The following SLC8A1 variants were observed in gnomAD, a reference collection of about 807,000 sequenced individuals.
The protein encoded by SLC8A1 is solute carrier family 8 member A1, also known as sodium/calcium exchanger 1.
In SLC8A1, 18 loss-of-function variants were observed where a neutral mutation model predicts 68.3. The ratio of observed to expected loss-of-function variants is 0.26; its 90% confidence interval spans 0.18 to 0.39. The LOEUF is 0.39. SLC8A1 is among the 10% of genes least tolerant of loss of function. The probability of loss-of-function intolerance (pLI) is 1.00; values close to 1 mark genes in which losing one functional copy is unlikely to be tolerated. For missense variants in SLC8A1, 985 were observed against 1,156.7 expected (o/e 0.85, Z 2.15); for synonymous variants, 475 against 415.5 (o/e 1.14, Z -1.74).
chr2:40,463,391 A>T (rs1484066080), intron 1 of SLC8A1, among the ~76,000 whole-genome samples: 2 of 152,134 alleles, frequency 1.3e-5, no homozygotes, highest in Non-Finnish European at 2.9e-5. Flanking sequence ...TGTCGGAATT[A>T]ATTTTTTGCT....
At chr2:40,123,929 C>T (rs2037489608) in intron 7 of SLC8A1, among the ~76,000 whole-genome samples, 1 of 152,210 alleles carries the variant, frequency 6.6e-6, no homozygotes, top group Non-Finnish European at 1.5e-5. Flanking sequence ...TCCTCTGACT[C>T]GCTTCTCCTC....
chr2:40,192,836 G>C (rs1463553950), intron 2 of SLC8A1, among the ~76,000 whole-genome samples: 1 of 152,042 alleles, frequency 6.6e-6, no homozygotes, highest in Non-Finnish European at 1.5e-5. Context: ...TCCTGAGATA[G>C]AGATTCAAAG....
At chr2:40,424,864 C>G (rs1231256004) in intron 2 of SLC8A1, among the ~76,000 whole-genome samples, 1 of 151,668 alleles carries the variant, frequency 6.6e-6, no homozygotes, top group East Asian at 1.9e-4. Flanking sequence ...GTTAATTAGC[C>G]TTATCATTTT....
intron 2 of SLC8A1, among the ~76,000 whole-genome samples, chr2:40,328,259 A>G (rs2076051750): frequency 6.6e-6 from 1 of 152,204 alleles, no homozygotes; most frequent in Non-Finnish European, 1.5e-5. Flanking sequence ...ATCCTGGTCC[A>G]CATAGACTCC....
chr2:40,498,751 A>G (rs1705870724), intron 1 of SLC8A1, among the ~76,000 whole-genome samples: 1 of 152,070 alleles, frequency 6.6e-6, no homozygotes, highest in Non-Finnish European at 1.5e-5. Context: ...TATAAAATCC[A>G]TTTTCACTAC....
chr2:40,207,299 C>CCT (rs1330932166), intron 2 of SLC8A1, among the ~76,000 whole-genome samples: 6 of 152,142 alleles, frequency 3.9e-5, no homozygotes, highest in Admixed American at 1.3e-4. Context: ...GCTGGCCAGA[C>CCT]ACCTTCCCAT....
intron 2 of SLC8A1, among the ~76,000 whole-genome samples, chr2:40,366,360 G>C (rs925624636): frequency 1.3e-5 from 2 of 152,034 alleles, no homozygotes; most frequent in African/African-American, 4.8e-5. Flanking sequence ...TCTCAGTTTT[G>C]CCAATGTGTG....
intron 2 of SLC8A1, among the ~76,000 whole-genome samples, chr2:40,188,066 G>A (rs1020315564): frequency 6.6e-6 from 1 of 152,074 alleles, no homozygotes; most frequent in Non-Finnish European, 1.5e-5. Flanking sequence ...CAAGCATAGG[G>A]TACCATGTTG....
intron 2 of SLC8A1, among the ~76,000 whole-genome samples, chr2:40,231,855 A>G (rs1395694083): frequency 6.6e-6 from 1 of 152,114 alleles, no homozygotes; most frequent in Non-Finnish European, 1.5e-5. Flanking sequence ...TCTCATTTGA[A>G]TCAATCTAGC....
intron 1 of SLC8A1, among the ~76,000 whole-genome samples, chr2:40,431,099 G>C (rs779781704): frequency 6.6e-6 from 1 of 152,140 alleles, no homozygotes; most frequent in Non-Finnish European, 1.5e-5. Context: ...TAGCAGCTGG[G>C]CATCTGGTTC....
intron 2 of SLC8A1, among the ~76,000 whole-genome samples, chr2:40,316,057 T>C (rs1048810904): frequency 1.3e-5 from 2 of 152,074 alleles, no homozygotes; most frequent in African/African-American, 2.4e-5. Flanking sequence ...AAGTCTTTTG[T>C]TCCCCAAGAA....
chr2:40,147,388 T>G (rs919034510), intron 6 of SLC8A1, among the ~76,000 whole-genome samples: 33 of 152,180 alleles, frequency 2.2e-4, no homozygotes, highest in African/African-American at 8.0e-4. Flanking sequence ...CTTAACTAAT[T>G]GTAGGACTGA....
At chr2:40,135,383 T>G (rs1050780209) in intron 7 of SLC8A1, among the ~76,000 whole-genome samples, 2 of 151,208 alleles carry the variant, frequency 1.3e-5, no homozygotes, top group Non-Finnish European at 3.0e-5. Context: ...GGTGGAGAGA[T>G]AGCTAGATGG....
intron 2 of SLC8A1, among the ~76,000 whole-genome samples, chr2:40,332,674 C>G (rs1190000723): frequency 1.3e-5 from 2 of 152,150 alleles, no homozygotes; most frequent in Non-Finnish European, 2.9e-5. Context: ...TATATACAGG[C>G]TTTCTTATGG....
chr2:40,231,889 A>C (rs750379209), intron 2 of SLC8A1, among the ~76,000 whole-genome samples: 1 of 152,158 alleles, frequency 6.6e-6, no homozygotes, highest in African/African-American at 2.4e-5. Flanking sequence ...ACTGGAACCA[A>C]ACTTGGCTGT....
chr2:40,316,522 A>G (rs917469157), intron 2 of SLC8A1, among the ~76,000 whole-genome samples: 5 of 127,192 alleles, frequency 3.9e-5, no homozygotes, highest in South Asian at 4.7e-4. Flanking sequence ...AATTAGGAAC[A>G]TGTGTTCTTT....
At chr2:40,252,356 G>A (rs547844467) in intron 2 of SLC8A1, among the ~76,000 whole-genome samples, 1 of 152,002 alleles carries the variant, frequency 6.6e-6, no homozygotes, top group East Asian at 1.9e-4. Context: ...TGATTGAGAT[G>A]GAGTCTTGCT....
At chr2:40,407,431 T>C (rs1044045652) in intron 2 of SLC8A1, among the ~76,000 whole-genome samples, 3 of 152,222 alleles carry the variant, frequency 2.0e-5, no homozygotes, top group Admixed American at 6.5e-5. Context: ...ATGCTATCTA[T>C]ACTTCCTTCA....
chr2:40,428,655 A>G (rs1478326456), exon 2 of SLC8A1: 1 of 1,613,846 alleles, frequency 6.2e-7, no homozygotes, highest in East Asian at 2.2e-5. Context: ...CAGGTTCCTC[A>G]AAAGTAAAAA....
Sources: gnomAD v4.1 joint callset for allele counts (sites outside exome capture counted in the v4.1 genomes callset) on GRCh38, gnomAD v4.1.1 for gene constraint, MANE v1.5 for transcripts, NCBI Gene and HGNC (gene_info 2026-07-23, HGNC 2026-07-21) for gene names.